Variants in CNTN5 observed in about 807,000 individuals in gnomAD.
CNTN5 encodes contactin 5.
A neutral mutation model predicts 129.1 loss-of-function variants in CNTN5; 77 were observed. The ratio of observed to expected loss-of-function variants is 0.60; its 90% confidence interval spans 0.50 to 0.72. CNTN5 has a LOEUF of 0.72. CNTN5 is among the 30% of genes least tolerant of loss of function. The pLI is 0.00. For synonymous variants in CNTN5, 509 were observed against 465.6 expected, an observed-to-expected ratio of 1.09 and a Z score of -1.20; for missense variants, 1,478 against 1,328.8, an observed-to-expected ratio of 1.11 and a Z score of -1.75.
chr11:99,952,698 A>C (rs1364538656), intron 7 of CNTN5, among the ~76,000 whole-genome samples: 1 of 152,140 alleles, frequency 6.6e-6, no homozygotes, highest in East Asian at 1.9e-4. Flanking sequence ...TGCCTGGACA[A>C]AAGTTATATT....
intron 21 of CNTN5, among the ~76,000 whole-genome samples, chr11:100,324,370 G>A (rs559851353): frequency 6.6e-6 from 1 of 152,240 alleles, no homozygotes; most frequent in Admixed American, 6.5e-5. Context: ...GCTACTTGTA[G>A]CAATAGCAAG....
intron 3 of CNTN5, among the ~76,000 whole-genome samples, chr11:99,657,117 A>G (rs1952402667): frequency 6.6e-6 from 1 of 151,904 alleles, no homozygotes. Context: ...TAGCTTAATG[A>G]AAAAATCGCA....
chr11:100,106,018 C>G (rs1945419330), intron 13 of CNTN5, among the ~76,000 whole-genome samples: 2 of 152,148 alleles, frequency 1.3e-5, no homozygotes, highest in South Asian at 4.1e-4. Context: ...AGTTAGCCCT[C>G]AGATCATAAG....
rs565478437 is a variant in CNTN5, at chr11:100,080,173, GT to G, written c.1580+5884del. Among the ~76,000 whole-genome samples the G allele has an allele frequency of 2.2e-3, 339 of 152,190 alleles. 3 individuals carry two copies. The highest frequency in any genetic ancestry group is 3.6e-3 in the Non-Finnish European group (243 of 67,994). ...AAATTTCAACATATTTTAAGCACTAGTTTTTATGCCCAGGCAGAGTAAGGTA... is the reference window on the plus strand; with the variant it reads ...AAATTTCAACATATTTTAAGCACTAGTTTTATGCCCAGGCAGAGTAAGGTA... On this transcript the variant is annotated intron_variant, in intron 13 of 24. Coordinates refer to ENST00000524871, the MANE Select transcript of CNTN5 (RefSeq NM_014361.4).
intron 3 of CNTN5, among the ~76,000 whole-genome samples, chr11:99,712,079 C>T (rs143439306): frequency 0.041 from 6,277 of 152,234 alleles, 193 homozygotes; most frequent in Non-Finnish European, 0.065. Context: ...AATGGTTGAA[C>T]TAATTTACAC....
intron 3 of CNTN5, among the ~76,000 whole-genome samples, chr11:99,585,026 A>C (rs1345168063): frequency 1.3e-5 from 2 of 152,236 alleles, no homozygotes; most frequent in Non-Finnish European, 2.9e-5. Flanking sequence ...ACCATTTCCC[A>C]ATTCTTAGAG....
intron 8 of CNTN5, among the ~76,000 whole-genome samples, chr11:99,995,788 G>C (rs747631448): frequency 2.6e-4 from 39 of 152,150 alleles, no homozygotes; most frequent in Non-Finnish European, 5.1e-4. Flanking sequence ...TTAATTTTAG[G>C]AGAAAATTTG....
chr11:99,986,472 C>A (rs971046854), intron 8 of CNTN5, among the ~76,000 whole-genome samples: 1 of 152,138 alleles, frequency 6.6e-6, no homozygotes, highest in Non-Finnish European at 1.5e-5. Context: ...ATAAACTGTT[C>A]TTGACAGTTT....
chr11:99,494,722 C>G (rs549330184), intron 2 of CNTN5, among the ~76,000 whole-genome samples: 1 of 152,120 alleles, frequency 6.6e-6, no homozygotes, highest in Non-Finnish European at 1.5e-5. Context: ...TGCAGGCTAA[C>G]CAAGCTGACG....
At chr11:99,527,802 G>C (rs1947545015) in intron 2 of CNTN5, among the ~76,000 whole-genome samples, 1 of 152,156 alleles carries the variant, frequency 6.6e-6, no homozygotes. Context: ...GGCAAAGGCA[G>C]AGTTGGAAAA....
chr11:99,506,813 A>G (rs1946640150), intron 2 of CNTN5, among the ~76,000 whole-genome samples: 3 of 152,210 alleles, frequency 2.0e-5, no homozygotes, highest in Admixed American at 6.5e-5. Flanking sequence ...TCACTACATT[A>G]TTTGTTATAG....
intron 3 of CNTN5, among the ~76,000 whole-genome samples, chr11:99,815,557 A>G (rs552628568): frequency 7.2e-5 from 11 of 152,166 alleles, no homozygotes; most frequent in Admixed American, 2.0e-4. Flanking sequence ...TAGAATGGAA[A>G]TGGTAATGCA....
intron 1 of CNTN5, among the ~76,000 whole-genome samples, chr11:99,062,282 C>T (rs1034784380): frequency 6.6e-6 from 1 of 152,096 alleles, no homozygotes; most frequent in African/African-American, 2.4e-5. Flanking sequence ...TGAAAGAAAT[C>T]CAAAAGGGAC....
At chr11:100,273,398 T>C (rs987654299) in intron 18 of CNTN5, among the ~76,000 whole-genome samples, 1 of 152,060 alleles carries the variant, frequency 6.6e-6, no homozygotes, top group African/African-American at 2.4e-5. Flanking sequence ...CGCCTGGTAG[T>C]ACAGTCTGCT....
chr11:99,816,590 C>T (rs1413332718), intron 3 of CNTN5, among the ~76,000 whole-genome samples: 1 of 152,162 alleles, frequency 6.6e-6, no homozygotes, highest in Non-Finnish European at 1.5e-5. Context: ...TTACTATTCC[C>T]ATACGTATTA....
At chr11:99,597,764 A>G (rs1471660888) in intron 3 of CNTN5, among the ~76,000 whole-genome samples, 1 of 152,144 alleles carries the variant, frequency 6.6e-6, no homozygotes, top group Non-Finnish European at 1.5e-5. Flanking sequence ...CAAGAATTCT[A>G]CAGAGAAATG....
chr11:99,860,768 T>C (rs1050527618), intron 6 of CNTN5, among the ~76,000 whole-genome samples: 2 of 152,146 alleles, frequency 1.3e-5, no homozygotes, highest in African/African-American at 4.8e-5. Context: ...CAGGATTGCT[T>C]CGGCTATTTG....
At chr11:99,195,245 T>G (rs75983485) in intron 1 of CNTN5, among the ~76,000 whole-genome samples, 19,764 of 152,136 alleles carry the variant, frequency 0.13, 1,428 homozygotes, top group Middle Eastern at 0.24. Context: ...ACTAGTACAT[T>G]TACCCATGCC....
chr11:99,468,097 G>A (rs1296033973), intron 2 of CNTN5, among the ~76,000 whole-genome samples: 2 of 152,044 alleles, frequency 1.3e-5, no homozygotes, highest in Non-Finnish European at 2.9e-5. Context: ...AGCTCTATCT[G>A]AATCCAGCTG....
Sources: gnomAD v4.1 joint callset for allele counts (sites outside exome capture counted in the v4.1 genomes callset) on GRCh38, gnomAD v4.1.1 for gene constraint, MANE v1.5 for transcripts, NCBI Gene and HGNC (gene_info 2026-07-23, HGNC 2026-07-21) for gene names.